Variants in ERBB4 observed in about 807,000 individuals in gnomAD.
The protein encoded by ERBB4 is receptor tyrosine-protein kinase erbB-4.
A neutral mutation model predicts 158.0 loss-of-function variants in ERBB4; 42 were observed. The observed-to-expected ratio is 0.27, with a 90% CI of 0.21 to 0.34. The LOEUF is 0.34. Among genes scored for constraint, ERBB4 ranks in the 10% least tolerant of loss-of-function variants. The probability of loss-of-function intolerance (pLI) is 1.00; values close to 1 mark genes in which losing one functional copy is unlikely to be tolerated. For synonymous variants in ERBB4, 583 were observed against 558.7 expected, an observed-to-expected ratio of 1.04 and a Z score of -0.61; for missense variants, 1,333 against 1,624.1, an observed-to-expected ratio of 0.82 and a Z score of 3.08.
At chr2:211,515,875 T>C (rs1253958363) in intron 20 of ERBB4, among the ~76,000 whole-genome samples, 6 of 143,034 alleles carry the variant, frequency 4.2e-5, no homozygotes, top group African/African-American at 1.6e-4. Flanking sequence ...GACTGTTTAG[T>C]AACTTATATA....
chr2:211,660,462 T>G (rs2105906449), intron 15 of ERBB4, among the ~76,000 whole-genome samples: 1 of 152,350 alleles, frequency 6.6e-6, no homozygotes, highest in South Asian at 2.1e-4. Context: ...AAGACTTACA[T>G]TTCTAGCTTT....
chr2:212,006,897 G>A (rs753540036), intron 2 of ERBB4, among the ~76,000 whole-genome samples: 10 of 151,978 alleles, frequency 6.6e-5, no homozygotes, highest in Non-Finnish European at 1.5e-4. Flanking sequence ...ACTTCACTGA[G>A]ATTGGGATGC....
chr2:212,452,642 T>C (rs774544195), intron 1 of ERBB4, among the ~76,000 whole-genome samples: 14 of 152,148 alleles, frequency 9.2e-5, no homozygotes, highest in Non-Finnish European at 1.3e-4. Flanking sequence ...TTAACATATA[T>C]ACACAAACAA....
At chr2:212,443,524 C>A (rs1392411392) in intron 1 of ERBB4, among the ~76,000 whole-genome samples, 6 of 152,182 alleles carry the variant, frequency 3.9e-5, no homozygotes, top group Non-Finnish European at 7.3e-5. Flanking sequence ...ACCTGGTAGG[C>A]CTATATGGAT....
chr2:211,714,792 A>G (rs1298127570), intron 7 of ERBB4, among the ~76,000 whole-genome samples: 1 of 152,182 alleles, frequency 6.6e-6, no homozygotes, highest in African/African-American at 2.4e-5. Flanking sequence ...GGGCAGGTCC[A>G]AGAGCATTCC....
chr2:211,384,161 A>C (rs2062635592), intron 27 of ERBB4, 101 bp from the exon 28 acceptor site: 1 of 823,520 alleles, frequency 1.2e-6, no homozygotes, highest in African/African-American at 1.7e-5. Context: ...AGAACAAAAA[A>C]ACCCACAGAT....
chr2:211,705,014 C>T (rs1268765062), intron 10 of ERBB4, among the ~76,000 whole-genome samples: 1 of 152,062 alleles, frequency 6.6e-6, no homozygotes, highest in Non-Finnish European at 1.5e-5. Flanking sequence ...TGGAGTGCAG[C>T]AGCGTGATCT....
intron 1 of ERBB4, among the ~76,000 whole-genome samples, chr2:212,535,815 C>A (rs1473083768): frequency 1.3e-5 from 2 of 152,160 alleles, no homozygotes; most frequent in East Asian, 1.9e-4. Flanking sequence ...AAAAGAGGTT[C>A]TCTTCTGTTA....
At chr2:212,097,060 A>G (rs918761837) in intron 2 of ERBB4, among the ~76,000 whole-genome samples, 1 of 152,196 alleles carries the variant, frequency 6.6e-6, no homozygotes, top group Non-Finnish European at 1.5e-5. Flanking sequence ...GAAGTAATTT[A>G]ACAAATGTTT....
intron 3 of ERBB4, among the ~76,000 whole-genome samples, chr2:211,833,071 G>T (rs1448132931): frequency 6.6e-6 from 1 of 151,986 alleles, no homozygotes; most frequent in Non-Finnish European, 1.5e-5. Context: ...TATAAGAGTA[G>T]ATATAAAAAC....
At chr2:211,520,286 C>T (rs1397688083) in intron 20 of ERBB4, among the ~76,000 whole-genome samples, 1 of 152,030 alleles carries the variant, frequency 6.6e-6, no homozygotes, top group East Asian at 1.9e-4. Context: ...TAATTCCAGT[C>T]AAATTTGCTT....
intron 2 of ERBB4, among the ~76,000 whole-genome samples, chr2:212,119,334 A>C (rs1419397716): frequency 1.3e-5 from 2 of 152,136 alleles, no homozygotes; most frequent in Non-Finnish European, 2.9e-5. Flanking sequence ...TTAATATATA[A>C]AACAGAAAAT....
At chr2:212,395,849 C>A (rs1460733783) in intron 1 of ERBB4, among the ~76,000 whole-genome samples, 3 of 152,024 alleles carry the variant, frequency 2.0e-5, no homozygotes, top group African/African-American at 7.2e-5. Context: ...GATCTCTTGA[C>A]CTCGTGATCT....
At chr2:212,514,038 C>T (rs1272094222) in intron 1 of ERBB4, among the ~76,000 whole-genome samples, 5 of 151,974 alleles carry the variant, frequency 3.3e-5, no homozygotes, top group South Asian at 2.1e-4. Flanking sequence ...AATTTCATAA[C>T]AAAACAAAAC....
intron 25 of ERBB4, among the ~76,000 whole-genome samples, chr2:211,397,243 C>T (rs2076818): frequency 0.88 from 134,216 of 152,128 alleles, 59,714 homozygotes; most frequent in South Asian, 0.94. Context: ...AGAGGAAAAA[C>T]ATACAAAGCA....
At chr2:211,512,180 C>T (rs997037229) in intron 20 of ERBB4, among the ~76,000 whole-genome samples, 10 of 152,036 alleles carry the variant, frequency 6.6e-5, no homozygotes, top group Admixed American at 2.6e-4. Context: ...AGTTGAAGAA[C>T]GAAAGTGCGC....
At chr2:211,937,664 G>A (rs1008287974) in intron 3 of ERBB4, among the ~76,000 whole-genome samples, 1 of 152,096 alleles carries the variant, frequency 6.6e-6, no homozygotes, top group African/African-American at 2.4e-5. Context: ...ATGAATGAGT[G>A]CCCAGAGAAG....
Position 211,603,971 on chromosome 2 carries a change from T to C in ERBB4, c.2301+15206A>G, listed in dbSNP as rs75836913. ...AAGTGGGCATATTTAATTTACTTTCTTTTGATTGAACTATTACAGGATACC... is the reference window on the plus strand; with the variant it reads ...AAGTGGGCATATTTAATTTACTTTCCTTTGATTGAACTATTACAGGATACC... On this transcript the variant is annotated intron_variant, in intron 19 of 27. Transcript: ENST00000342788. Among the ~76,000 whole-genome samples the C allele has an allele frequency of 5.4e-4, 82 of 152,362 alleles. No homozygotes were observed. In the East Asian group the frequency reaches 0.015, roughly 27 times the overall value.
intron 5 of ERBB4, among the ~76,000 whole-genome samples, chr2:211,746,241 A>T (rs13023789): frequency 6.6e-6 from 1 of 151,806 alleles, no homozygotes; most frequent in Admixed American, 6.6e-5. Flanking sequence ...CAAAGAGACA[A>T]CCCATCACTA....
Sources: gnomAD v4.1 joint callset for allele counts (sites outside exome capture counted in the v4.1 genomes callset) on GRCh38, gnomAD v4.1.1 for gene constraint, MANE v1.5 for transcripts, NCBI Gene and HGNC (gene_info 2026-07-23, HGNC 2026-07-21) for gene names.